The following ERICH6B variants were observed in gnomAD, a reference collection of about 807,000 sequenced individuals.
ERICH6B encodes the protein glutamate rich 6B.
A neutral mutation model predicts 80.0 loss-of-function variants in ERICH6B; 69 were observed. The ratio of observed to expected loss-of-function variants is 0.86; its 90% CI spans 0.71 to 1.05. The LOEUF (loss-of-function observed/expected upper bound fraction) is 1.05, where lower values mean the gene tolerates loss of function less well. Ranked by LOEUF, ERICH6B falls within the 50% of genes least tolerant of loss-of-function variation. The pLI is 0.00. For synonymous variants in ERICH6B, 283 were observed against 291.9 expected (o/e 0.97, Z 0.31); for missense variants, 754 against 796.1 (o/e 0.95, Z 0.64).
At chr13:45,553,906 G>A (rs771783203) in intron 11 of ERICH6B, among the ~76,000 whole-genome samples, 29 of 151,994 alleles carry the variant, frequency 1.9e-4, no homozygotes, top group Non-Finnish European at 3.7e-4. Flanking sequence ...TGTATACATT[G>A]TGATTGGCTA....
At chr13:45,545,250 T>A (rs931688508) in intron 13 of ERICH6B, among the ~76,000 whole-genome samples, 2 of 152,166 alleles carry the variant, frequency 1.3e-5, no homozygotes, top group African/African-American at 4.8e-5. Context: ...AGCTTTGCCA[T>A]GCTCTGCCCT....
intron 1 of ERICH6B, among the ~76,000 whole-genome samples, chr13:45,609,147 A>C (rs1264784210): frequency 1.3e-5 from 2 of 152,196 alleles, no homozygotes; most frequent in African/African-American, 4.8e-5. Context: ...TAAAAACATA[A>C]AATAGACCAC....
intron 11 of ERICH6B, among the ~76,000 whole-genome samples, chr13:45,561,078 G>T (rs143192669): frequency 7.0e-4 from 106 of 152,164 alleles, no homozygotes; most frequent in African/African-American, 2.5e-3. Flanking sequence ...GATGCATGCC[G>T]CAGTGTCTGG....
chr13:45,603,692 G>A (rs1949839994), intron 2 of ERICH6B, among the ~76,000 whole-genome samples: 1 of 152,102 alleles, frequency 6.6e-6, no homozygotes, highest in Non-Finnish European at 1.5e-5. Context: ...AGTGAGGCAT[G>A]CCCCACTGCC....
At chr13:45,583,552 T>C (rs2138005101) in intron 5 of ERICH6B, among the ~76,000 whole-genome samples, 1 of 152,340 alleles carries the variant, frequency 6.6e-6, no homozygotes, top group South Asian at 2.1e-4. Context: ...CCCCATCTGA[T>C]ATGGTTTGGC....
chr13:45,545,284 C>T (rs1232498311), intron 13 of ERICH6B, among the ~76,000 whole-genome samples: 1 of 152,208 alleles, frequency 6.6e-6, no homozygotes, highest in Admixed American at 6.5e-5. Context: ...TCCCCTGCCC[C>T]AGGTGGCATG....
chr13:45,603,597 G>A (rs1027401980), intron 2 of ERICH6B, among the ~76,000 whole-genome samples: 2 of 152,162 alleles, frequency 1.3e-5, no homozygotes, highest in South Asian at 2.1e-4. Context: ...TCTGGTTAAG[G>A]CCTTTACTCT....
chr13:45,543,878 C>T (rs904408386), intron 14 of ERICH6B, among the ~76,000 whole-genome samples: 2 of 152,166 alleles, frequency 1.3e-5, no homozygotes, highest in African/African-American at 4.8e-5. Context: ...CCTGGGGACA[C>T]AGACTCCCCC....
In ERICH6B at chr13:45,568,378, T is replaced by A. The variant is rs375709577; in HGVS notation, c.1124A>T (p.Glu375Val). 79 of 1,549,588 alleles carry A rather than the reference T, an allele frequency of 5.1e-5. No homozygotes were observed. Among genetic ancestry groups the A allele is most frequent in the Non-Finnish European group, 6.5e-5 (74 of 1,146,328 alleles). The change falls in exon 9 of 15, where the codon GAG becomes GTG. Residue 375 changes from glutamate (E) to valine (V), a missense_variant. Transcript: ENST00000298738. ...KEMAAHNELE[E>V]DFDIPLTKLL... ...CTTAGTTAGGGGAATGTCAAAATCC[T>A]CTTCCAGTTCATTGTGAGCAGCCAT...
At chr13:45,582,434 G>A (rs541173182) in intron 5 of ERICH6B, among the ~76,000 whole-genome samples, 3 of 152,340 alleles carry the variant, frequency 2.0e-5, no homozygotes, top group African/African-American at 7.2e-5. Context: ...CCAGCCTGCT[G>A]TTTTTGGGGG....
intron 5 of ERICH6B, 117 bp from the exon 6 acceptor site, chr13:45,580,782 G>A (rs1875623635): frequency 4.1e-6 from 4 of 987,412 alleles, no homozygotes; most frequent in Non-Finnish European, 6.1e-6. Context: ...CTGGTCAACA[G>A]TTGGGGGGAA....
intron 10 of ERICH6B, among the ~76,000 whole-genome samples, chr13:45,563,275 C>A (rs995545686): frequency 1.3e-5 from 2 of 152,186 alleles, no homozygotes; most frequent in Non-Finnish European, 2.9e-5. Flanking sequence ...GTCCCCTTCC[C>A]ATCACAGGGC....
At chr13:45,570,947 A>ATTCGCTCCACTGCAGCTGCAGGTTCCG (rs1875137514) in intron 8 of ERICH6B, among the ~76,000 whole-genome samples, 2 of 146,824 alleles carry the variant, frequency 1.4e-5, no homozygotes, top group African/African-American at 5.2e-5. Flanking sequence ...TGCAGGTTCC[A>ATTCGCTCCACTGCAGCTGCAGGTTCCG]TGTGGCATTC....
chr13:45,581,014 T>C (rs2138002025), intron 5 of ERICH6B, among the ~76,000 whole-genome samples: 1 of 152,258 alleles, frequency 6.6e-6, no homozygotes, highest in East Asian at 1.9e-4. Flanking sequence ...CCTCCTGCTG[T>C]AGGAACCATA....
intron 2 of ERICH6B, among the ~76,000 whole-genome samples, chr13:45,604,898 C>T (rs1053274142): frequency 3.3e-5 from 5 of 152,100 alleles, no homozygotes; most frequent in Non-Finnish European, 2.9e-5. Flanking sequence ...GTGCTGGTTT[C>T]GAGACCCTGT....
At chr13:45,577,087 G>T (rs529388402) in intron 7 of ERICH6B, among the ~76,000 whole-genome samples, 1 of 152,022 alleles carries the variant, frequency 6.6e-6, no homozygotes, top group Non-Finnish European at 1.5e-5. Flanking sequence ...TCTGTCATCT[G>T]GAACCTGGGC....
chr13:45,612,111 C>G (rs562383945), intron 1 of ERICH6B, among the ~76,000 whole-genome samples: 212 of 152,346 alleles, frequency 1.4e-3, no homozygotes, highest in Non-Finnish European at 2.4e-3. Context: ...CCTTACCCCT[C>G]TAGGCTGCCC....
intron 8 of ERICH6B, 32 bp downstream of exon 8, chr13:45,574,810 G>GT (rs1566294923): frequency 2.8e-6 from 4 of 1,421,848 alleles, no homozygotes; most frequent in African/African-American, 1.7e-5. Context: ...GAGGAAGCTG[G>GT]GGGGGGGGTC....
intron 1 of ERICH6B, among the ~76,000 whole-genome samples, chr13:45,609,567 G>C (rs1949888081): frequency 6.6e-6 from 1 of 152,132 alleles, no homozygotes; most frequent in African/African-American, 2.4e-5. Context: ...TTGCTTTCTT[G>C]TTCACCATTG....
Sources: allele counts gnomAD v4.1 joint callset (sites outside exome capture counted in the v4.1 genomes callset), GRCh38; gene constraint gnomAD v4.1.1; transcripts MANE v1.5; gene names NCBI Gene and HGNC (gene_info 2026-07-23, HGNC 2026-07-21).